GREM1: variants seen among roughly 807,000 people sequenced by gnomAD.
GREM1 encodes gremlin 1, DAN family BMP antagonist, also known as gremlin-1.
Under a neutral mutation model 13.1 loss-of-function variants are expected in GREM1, and 6 were observed. The ratio of observed to expected loss-of-function variants is 0.46; its 90% CI spans 0.25 to 0.91. The LOEUF (loss-of-function observed/expected upper bound fraction) is 0.91. Ranked by LOEUF, GREM1 falls within the 40% of genes least tolerant of loss-of-function variation. The probability of loss-of-function intolerance (pLI) is 0.18; values close to 1 mark genes in which losing one functional copy is unlikely to be tolerated. For synonymous variants in GREM1, 98 were observed against 93.7 expected (o/e 1.05, Z -0.27); for missense variants, 185 against 233.9 (o/e 0.79, Z 1.36).
At chr15:32,728,164 G>C (rs2055547677) in intron 1 of GREM1, among the ~76,000 whole-genome samples, 1 of 152,108 alleles carries the variant, frequency 6.6e-6, no homozygotes, top group Non-Finnish European at 1.5e-5. Context: ...ACTGAAAAAA[G>C]AGCCGGTATA....
Position 32,734,029 on chromosome 15 carries a change from T to C in GREM1, c.*2784T>C, listed in dbSNP as rs2055664935. 1 of 242,718 alleles carries C rather than the reference T, an allele frequency of 4.1e-6. No individual in the cohort carries two copies. The allele number at this position is 242,718 out of a possible 1,614,324, so 15.0% of individuals were successfully genotyped here. ...TTCAAATCCTTTGGTCACTGTGATT[T>C]CAAGCATGTTTTCTTTTTCTCCTTT... On this transcript the variant is annotated 3_prime_UTR_variant, in exon 2 of 2. Transcript: ENST00000651154.
In GREM1 at chr15:32,730,825, G is replaced by A. The variant is rs572405915; in HGVS notation, c.135G>A (p.Glu45=). Residue 45 remains glutamate, a synonymous_variant, in exon 2 of 2, where the codon GAG becomes GAA. Coordinates refer to ENST00000651154, the MANE Select transcript of GREM1 (RefSeq NM_013372.7). ...PPDKAQHNDS[E]QTQSPQQPGS... is the part of the protein sequence containing the mutation. Reference sequence around the variant, plus strand: ...ACAAGGCCCAGCACAATGACTCAGAGCAGACTCAGTCGCCCCAGCAGCCTG... The same window carrying A: ...ACAAGGCCCAGCACAATGACTCAGAACAGACTCAGTCGCCCCAGCAGCCTG... 1 of 1,613,964 alleles carries A rather than the reference G, an allele frequency of 6.2e-7. No homozygotes were observed. Among genetic ancestry groups the A allele is most frequent in the Admixed American group, 1.7e-5 (1 of 60,014 alleles).
intron 1 of GREM1, among the ~76,000 whole-genome samples, chr15:32,728,336 A>G (rs368557481): frequency 1.9e-4 from 29 of 152,316 alleles, no homozygotes; most frequent in African/African-American, 6.7e-4. Context: ...GGGTAAAACA[A>G]AAGCTCTGCA....
chr15:32,731,048 G>T lies in GREM1; in HGVS notation c.358G>T (p.Gly120Cys). ...SRTIINRFCYGQCNSFYIPRH... is the reference protein window; with the variant it reads ...SRTIINRFCYCQCNSFYIPRH... ...CACCATCATCAACCGCTTCTGTTAC[G>T]GCCAGTGCAACTCTTTCTACATCCC... The change falls in exon 2 of 2, where the codon GGC becomes TGC. Residue 120 changes from glycine (G) to cysteine (C), a missense_variant. Transcript: ENST00000651154. The T allele has an allele frequency of 6.2e-7, 1 of 1,614,142 alleles. No individual in the cohort carries two copies. The highest frequency in any genetic ancestry group is 8.5e-7 in the Non-Finnish European group (1 of 1,180,000).
In GREM1 at chr15:32,740,944, G is replaced by C. The variant is rs1049062612; in HGVS notation, c.*9699G>C. On this transcript the variant is annotated 3_prime_UTR_variant, in exon 2 of 2. Transcript: ENST00000651154. ...TTCTGATTTGCCAGTGTGGTCTCATGTTACCCCTGTGCCTAGAAAGGAAAC... is the reference window on the plus strand; with the variant it reads ...TTCTGATTTGCCAGTGTGGTCTCATCTTACCCCTGTGCCTAGAAAGGAAAC... 6.6e-6 allele frequency: 1 copy of C among 152,152 alleles called. No homozygotes were observed. The highest frequency in any genetic ancestry group is 2.4e-5 in the African/African-American group (1 of 41,426). 9.4% of individuals were successfully genotyped at this position (152,152 alleles called of 1,614,324 possible). A position where few individuals can be genotyped will look rare whatever the true frequency, so the allele number is the denominator to read the frequency against.
chr15:32,721,381 C>G (rs2055404290), intron 1 of GREM1, among the ~76,000 whole-genome samples: 1 of 152,128 alleles, frequency 6.6e-6, no homozygotes, highest in Admixed American at 6.5e-5. Context: ...AAAGGTAGCT[C>G]TTATTATTAG....
rs374727879 is a variant in GREM1 at position 32,737,338 on chromosome 15, A to G, written c.*6093A>G. On this transcript the variant is annotated 3_prime_UTR_variant, in exon 2 of 2. Coordinates refer to ENST00000651154, the MANE Select transcript of GREM1 (RefSeq NM_013372.7). Reference sequence around the variant, plus strand: ...ATCAAAAATAAAACCATAGACCAATATCTCTTTTAAGTGTAAATGCAAAAA... The same window carrying G: ...ATCAAAAATAAAACCATAGACCAATGTCTCTTTTAAGTGTAAATGCAAAAA... The G allele has an allele frequency of 1.3e-5, 2 of 152,154 alleles. No homozygotes were observed. Among genetic ancestry groups the G allele is most frequent in the East Asian group, 3.9e-4 (2 of 5,172 alleles). 9.4% of individuals were successfully genotyped at this position (152,154 alleles called of 1,614,324 possible). A position where few individuals can be genotyped will look rare whatever the true frequency, so the allele number is the denominator to read the frequency against.
In GREM1 at chr15:32,736,236, C is replaced by T. The variant is rs1295329468; in HGVS notation, c.*4991C>T. The T allele has an allele frequency of 6.6e-6, 1 of 152,110 alleles. No homozygotes were observed. The highest frequency in any genetic ancestry group is 1.5e-5 in the Non-Finnish European group (1 of 68,030). 9.4% of individuals were successfully genotyped at this position (152,110 alleles called of 1,614,324 possible). A position where few individuals can be genotyped will look rare whatever the true frequency, so the allele number is the denominator to read the frequency against. ...CCCAGGGTAAAAAACTTTGTCAAAA[C>T]AACTAGAGGCAATTGATTCTCTTTG... On this transcript the variant is annotated 3_prime_UTR_variant, in exon 2 of 2. Transcript: ENST00000651154.
At position 32,718,144 on chromosome 15, in the gene GREM1, G is replaced by T. The variant is rs1295322956; in HGVS notation, c.-19G>T. On this transcript the variant is annotated 5_prime_UTR_variant, in exon 1 of 2. Coordinates refer to ENST00000651154, the MANE Select transcript of GREM1 (RefSeq NM_013372.7). ...ACGCGTCGAAAGCGCAGGCCCCGAGGACCCGCCGCACTGACAGGTGAGCGC... is the reference window on the plus strand; with the variant it reads ...ACGCGTCGAAAGCGCAGGCCCCGAGTACCCGCCGCACTGACAGGTGAGCGC... 1 of 1,315,430 alleles carries T rather than the reference G, an allele frequency of 7.6e-7. No homozygotes were observed. Among genetic ancestry groups the T allele is most frequent in the Admixed American group, 2.4e-5 (1 of 42,452 alleles). The allele number at this position is 1,315,430 out of a possible 1,614,324, so 81.5% of individuals were successfully genotyped here.
chr15:32,718,784 G>T (rs2055348663), intron 1 of GREM1: 1 of 300,374 alleles, frequency 3.3e-6, no homozygotes, highest in Non-Finnish European at 6.6e-6. Flanking sequence ...GACAGCTGCG[G>T]TGCGGGGCGC....
intron 1 of GREM1, among the ~76,000 whole-genome samples, chr15:32,725,498 G>C (rs750221131): frequency 2.0e-4 from 31 of 152,078 alleles, no homozygotes; most frequent in Non-Finnish European, 3.4e-4. Flanking sequence ...CTTTTTTCTT[G>C]TAAATTTGTT....
rs1001676930 is a variant in GREM1 at position 32,736,434 on chromosome 15, T to C, written c.*5189T>C. 2.0e-5 allele frequency: 3 copies of C among 152,142 alleles called. No homozygotes were observed. The highest frequency in any genetic ancestry group is 1.3e-4 in the Admixed American group (2 of 15,280). The allele number at this position is 152,142 out of a possible 1,614,324, so 9.4% of individuals were successfully genotyped here. A position where few individuals can be genotyped will look rare whatever the true frequency, so the allele number is the denominator to read the frequency against. On this transcript the variant is annotated 3_prime_UTR_variant, in exon 2 of 2. Coordinates refer to ENST00000651154, the MANE Select transcript of GREM1 (RefSeq NM_013372.7). ...AGGACTCCATCCATGCCCAGGACTG[T>C]GCAGATGCTCAGGAAAAACCCAAGA...
At chr15:32,721,130 T>G (rs2055398894) in intron 1 of GREM1, among the ~76,000 whole-genome samples, 1 of 152,092 alleles carries the variant, frequency 6.6e-6, no homozygotes, top group Non-Finnish European at 1.5e-5. Context: ...CATTCCAGCC[T>G]GGGCAACACG....
chr15:32,723,953 A>G lies in GREM1; in HGVS notation c.-2+5792A>G, dbSNP rs11630554. ...AGAGTTAGACATCCAAAGGATAGCA[A>G]TTGGCTCTTCTGCTCATGGGCACTG... is the stretch of plus-strand genomic sequence containing the variant. On this transcript the variant is annotated intron_variant, in intron 1 of 1. Coordinates refer to ENST00000651154, the MANE Select transcript of GREM1 (RefSeq NM_013372.7). Among the ~76,000 whole-genome samples, 92,910 of 152,108 alleles carry G rather than the reference A, an allele frequency of 0.61. 28,988 individuals carry two copies. The highest frequency in any genetic ancestry group is 0.69 in the Non-Finnish European group (46,853 of 67,990).
intron 1 of GREM1, among the ~76,000 whole-genome samples, chr15:32,723,197 C>T (rs2055439477): frequency 6.6e-6 from 1 of 152,148 alleles, no homozygotes; most frequent in Non-Finnish European, 1.5e-5. Flanking sequence ...TCTGCATTTC[C>T]TCTACATCTC....
chr15:32,743,667 G>A lies in GREM1; in HGVS notation c.*12422G>A, dbSNP rs978943890. The stretch of plus-strand genomic sequence containing the variant: ...GCTGGAGACGCACTTTCAATGTGGT[G>A]TACTCACGTGGCTGTTGGTTGGAGG... On this transcript the variant is annotated 3_prime_UTR_variant, in exon 2 of 2. Transcript: ENST00000651154. The A allele has an allele frequency of 8.5e-5, 13 of 152,200 alleles. No homozygotes were observed. The highest frequency in any genetic ancestry group is 2.9e-4 in the African/African-American group (12 of 41,438). The allele number at this position is 152,200 out of a possible 1,614,324, so 9.4% of individuals were successfully genotyped here.
At position 32,740,194 on chromosome 15, in the gene GREM1, C is replaced by T. The variant is rs2055749188; in HGVS notation, c.*8949C>T. On this transcript the variant is annotated 3_prime_UTR_variant, in exon 2 of 2. Coordinates refer to ENST00000651154, the MANE Select transcript of GREM1 (RefSeq NM_013372.7). The stretch of plus-strand genomic sequence containing the variant: ...GACTGCTTTGTCTAATGTGCAGACA[C>T]CAACACAAAGAGTCAAGGAAAATGA... The T allele has an allele frequency of 6.6e-6, 1 of 152,128 alleles. No individual in the cohort carries two copies. The highest frequency in any genetic ancestry group is 2.4e-5 in the African/African-American group (1 of 41,404). The allele number at this position is 152,128 out of a possible 1,614,324, so 9.4% of individuals were successfully genotyped here. A position where few individuals can be genotyped will look rare whatever the true frequency, so the allele number is the denominator to read the frequency against.
rs2055635144 is a variant in GREM1 at position 32,732,382 on chromosome 15, G to A, written c.*1137G>A. 1 of 243,938 alleles carries A rather than the reference G, an allele frequency of 4.1e-6. No individual in the cohort carries two copies. The highest frequency in any genetic ancestry group is 2.2e-5 in the African/African-American group (1 of 45,134). The allele number at this position is 243,938 out of a possible 1,614,324, so 15.1% of individuals were successfully genotyped here. A position where few individuals can be genotyped will look rare whatever the true frequency, so the allele number is the denominator to read the frequency against. ...GATAAAGATCCTGCCTCTGCTGAGT[G>A]TACCTGACAGTAGTCTAAGATGAGA... is the stretch of plus-strand genomic sequence containing the variant. On this transcript the variant is annotated 3_prime_UTR_variant, in exon 2 of 2. Coordinates refer to ENST00000651154, the MANE Select transcript of GREM1 (RefSeq NM_013372.7).
intron 1 of GREM1, among the ~76,000 whole-genome samples, chr15:32,720,968 C>T (rs1404350410): frequency 2.0e-5 from 3 of 152,086 alleles, no homozygotes; most frequent in East Asian, 1.9e-4. Flanking sequence ...ACCAGCCTGA[C>T]CAACATGGAA....
Sources: gnomAD v4.1 joint callset for allele counts (sites outside exome capture counted in the v4.1 genomes callset) on GRCh38, gnomAD v4.1.1 for gene constraint, MANE v1.5 for transcripts, NCBI Gene and HGNC (gene_info 2026-07-23, HGNC 2026-07-21) for gene names.